The following CHD1 variants were observed in gnomAD, a reference collection of about 807,000 sequenced individuals.
CHD1 encodes the protein chromodomain helicase DNA binding protein 1, also known as ATP-dependent chromatin remodeler CHD1.
Under a neutral mutation model 224.2 loss-of-function variants are expected in CHD1, and 36 were observed. The observed-to-expected ratio is 0.16, with a 90% CI of 0.12 to 0.21. CHD1 has a LOEUF of 0.21. Among genes scored for constraint, CHD1 ranks in the 10% least tolerant of loss-of-function variants. The probability of loss-of-function intolerance (pLI) is 1.00; values close to 1 mark genes in which losing one functional copy is unlikely to be tolerated. For synonymous variants in CHD1, 668 were observed against 658.3 expected (o/e 1.01, Z -0.23); for missense variants, 1,378 against 1,994.8 (o/e 0.69, Z 5.89).
At chr5:98,897,831 T>C (rs998262131) in intron 10 of CHD1, among the ~76,000 whole-genome samples, 1 of 152,200 alleles carries the variant, frequency 6.6e-6, no homozygotes, top group Admixed American at 6.5e-5. Context: ...GATACTTTCC[T>C]ATATCACTCT....
intron 32 of CHD1, 62 bp downstream of exon 32, chr5:98,863,346 A>AAC (rs1554073259): frequency 3.5e-6 from 2 of 567,070 alleles, no homozygotes. Flanking sequence ...AAAGAAAACA[A>AAC]AAAAAAAAAA....
chr5:98,920,689 C>T lies in CHD1; in HGVS notation c.53+5645G>A, dbSNP rs577247853. Among the ~76,000 whole-genome samples, 3 of 151,006 alleles carry T rather than the reference C, an allele frequency of 2.0e-5. No individual in the cohort carries two copies. In the South Asian group the frequency reaches 6.4e-4, roughly 32 times the overall value. ...GTGCACACCTGTAGTCCCAGTCACT[C>T]GGGAGGCTGTGGCAGGAGAATCGTT... On this transcript the variant is annotated intron_variant, in intron 2 of 35. Coordinates refer to ENST00000614616, the MANE Select transcript of CHD1 (RefSeq NM_001270.4).
Position 98,904,989 on chromosome 5 carries a change from C to T in CHD1, c.163G>A (p.Gly55Arg). Residue 55 changes from glycine to arginine, a missense_variant, in exon 3 of 36, where the codon GGA (glycine) becomes AGA (arginine). Physicochemically the swap from Gly to Arg is moderately radical, Grantham distance 125. This residue lies in a region of CHD1 where 306 missense variants were observed against 298.1 expected (regional missense o/e 1.03). Coordinates refer to ENST00000614616, the MANE Select transcript of CHD1 (RefSeq NM_001270.4). ...SQSGSSDSDS[G>R]SESGSQSESE... ...TCTGACTGACTGCCTGATTCAGATC[C>T]GGAGTCAGAGTCACTGCTACCTGAC... 1 of 1,591,842 alleles carries T rather than the reference C, an allele frequency of 6.3e-7. No individual in the cohort carries two copies. The highest frequency in any genetic ancestry group is 8.6e-7 in the Non-Finnish European group (1 of 1,159,774).
chr5:98,900,919 C>G lies in CHD1; in HGVS notation c.751G>C (p.Asp251His). The G allele has an allele frequency of 6.2e-7, 1 of 1,614,156 alleles. No individual in the cohort carries two copies. The highest frequency in any genetic ancestry group is 8.5e-7 in the Non-Finnish European group (1 of 1,180,014). ...CAGACTTCCAGTAGGTCATCAGAAT[C>G]TGTTTTCATTTCTTCATCCTCCTTA... is the stretch of plus-strand genomic sequence containing the variant. ...SYKEDEEMKTDSDDLLEVCGE... is the reference protein window; with the variant it reads ...SYKEDEEMKTHSDDLLEVCGE... The change falls in exon 7 of 36, where the codon GAT (aspartate) becomes CAT (histidine). Residue 251 changes from aspartate to histidine, a missense_variant. By Grantham distance (81) the Asp-to-His change is moderately conservative. This residue lies in a region of CHD1 where 306 missense variants were observed against 298.1 expected (regional missense o/e 1.03). Transcript: ENST00000614616.
At chr5:98,869,643 C>G (rs1749180036) in intron 30 of CHD1, 111 bp downstream of exon 30, 1 of 1,068,630 alleles carries the variant, frequency 9.4e-7, no homozygotes, top group African/African-American at 1.6e-5. Flanking sequence ...CACACACACA[C>G]ACACACACAG....
chr5:98,863,067 A>G (rs919382931), intron 32 of CHD1, among the ~76,000 whole-genome samples: 2 of 152,150 alleles, frequency 1.3e-5, no homozygotes, highest in African/African-American at 4.8e-5. Flanking sequence ...AAGCAACAAT[A>G]AACTTTGTGG....
rs763271087 is a variant in CHD1, at chr5:98,903,834, C to T, written c.330G>A (p.Gln110=). The T allele has an allele frequency of 5.0e-6, 8 of 1,607,512 alleles. No individual in the cohort carries two copies. In the South Asian group the frequency reaches 7.7e-5, roughly 15 times the overall value. The change falls in exon 4 of 36, where the codon CAG becomes CAA. Residue 110 remains glutamine, a synonymous_variant. Coordinates refer to ENST00000614616, the MANE Select transcript of CHD1 (RefSeq NM_001270.4). ...AILKKQQQQQ[Q]QQQHQASSNS... ...TAGATGAGGCTTGATGTTGTTGTTG[C>T]TGCTGCTGCTGTTGCTGCTTCTTGA... is the stretch of plus-strand genomic sequence containing the variant.
chr5:98,858,552 T>A, intron 34 of CHD1, 162 bp from the exon 35 acceptor site: 1 of 576,428 alleles, frequency 1.7e-6, no homozygotes, highest in Non-Finnish European at 3.0e-6. Context: ...AAAGCAGTAC[T>A]AAGGATTAAT....
At chr5:98,921,996 T>C (rs1016840786) in intron 2 of CHD1, among the ~76,000 whole-genome samples, 1 of 151,932 alleles carries the variant, frequency 6.6e-6, no homozygotes, top group Non-Finnish European at 1.5e-5. Flanking sequence ...TTACTAAAAA[T>C]ACAAAAATTA....
Position 98,894,580 on chromosome 5 carries a change from G to T in CHD1, c.1800+17C>A. ...TGATATACAAGAGACCAAAACACGT[G>T]AGAAATAAATACATACCTTATCTTT... On this transcript the variant is annotated intron_variant, in intron 13 of 35. Transcript: ENST00000614616. The T allele has an allele frequency of 9.6e-7, 1 of 1,039,002 alleles. No individual in the cohort carries two copies. The highest frequency in any genetic ancestry group is 1.6e-5 in the South Asian group (1 of 63,044). 64.4% of individuals were successfully genotyped at this position (1,039,002 alleles called of 1,614,324 possible).
chr5:98,882,558 A>C (rs1750271196), intron 19 of CHD1, among the ~76,000 whole-genome samples: 2 of 152,148 alleles, frequency 1.3e-5, no homozygotes, highest in Admixed American at 1.3e-4. Context: ...AAACTCTCCA[A>C]AATTGAAAAG....
Position 98,898,758 on chromosome 5 carries a change from T to C in CHD1, c.1092A>G (p.Lys364=). The change falls in exon 9 of 36, where the codon AAA becomes AAG. Residue 364 remains lysine (K), a synonymous_variant. Transcript: ENST00000614616. The part of the protein sequence containing the change: ...KKDQETKRWL[K]NASPEDVEYY... ...ATTCCACATCTTCTGGAGAGGCATT[T>C]TTCAACCTGAAAAATTATTAATCCA... 6.4e-7 allele frequency: 1 copy of C among 1,566,190 alleles called. No individual in the cohort carries two copies. The highest frequency in any genetic ancestry group is 8.8e-7 in the Non-Finnish European group (1 of 1,140,718).
intron 26 of CHD1, 91 bp from the exon 27 acceptor site, chr5:98,872,646 TTAACAA>T (rs1373743492): frequency 2.8e-6 from 3 of 1,061,404 alleles, no homozygotes; most frequent in African/African-American, 1.6e-5. Context: ...CTTATGTTAT[TTAACAA>T]TAAGTATTCC....
intron 20 of CHD1, 52 bp from the exon 21 acceptor site, chr5:98,881,427 G>A (rs1365291477): frequency 1.2e-6 from 1 of 816,500 alleles, no homozygotes; most frequent in South Asian, 1.8e-5. Context: ...AAATATAACA[G>A]TTACACAGCA....
rs773569475 is a variant in CHD1 at position 98,899,692 on chromosome 5, A to T, written c.873T>A (p.Thr291=). ...RIGRKGATGA[T]TTIYAVEADG... is the part of the protein sequence containing the mutation. ...CTGCTTCAACTGCATAGATGGTTGT[A>T]GTAGCACCAGTAGCTGAAAACAAAA... Residue 291 remains threonine (T), a synonymous_variant, in exon 8 of 36, where the codon ACT becomes ACA. Coordinates refer to ENST00000614616, the MANE Select transcript of CHD1 (RefSeq NM_001270.4). 7 of 1,610,976 alleles carry T rather than the reference A, an allele frequency of 4.3e-6. No individual in the cohort carries two copies. In the Middle Eastern group the frequency reaches 9.9e-4, roughly 228 times the overall value.
At position 98,872,071 on chromosome 5, in the gene CHD1, C is replaced by A; in HGVS notation, c.3841G>T (p.Asp1281Tyr). ...AATACCTTGTGTGTTAGACTGAGGTCAGGATCCATTTTAATCATTTCCCAG... is the reference window on the plus strand; with the variant it reads ...AATACCTTGTGTGTTAGACTGAGGTAAGGATCCATTTTAATCATTTCCCAG... ...GSWEMIKMDP[D>Y]LSLTHKILPD... The change falls in exon 28 of 36, where the codon GAC becomes TAC. Residue 1281 changes from aspartate to tyrosine, a missense_variant. Asp to Tyr is a radical substitution (Grantham distance 160). This residue lies in a region of CHD1 where 286 missense variants were observed against 445.1 expected (regional missense o/e 0.64). Coordinates refer to ENST00000614616, the MANE Select transcript of CHD1 (RefSeq NM_001270.4). 1 of 1,612,600 alleles carries A rather than the reference C, an allele frequency of 6.2e-7. No homozygotes were observed. Among genetic ancestry groups the A allele is most frequent in the Non-Finnish European group, 8.5e-7 (1 of 1,179,024 alleles).
At chr5:98,913,901 A>G (rs1752581268) in intron 2 of CHD1, among the ~76,000 whole-genome samples, 1 of 152,074 alleles carries the variant, frequency 6.6e-6, no homozygotes, top group South Asian at 2.1e-4. Flanking sequence ...AAAGCCACTC[A>G]TTTCTTATGA....
intron 23 of CHD1, among the ~76,000 whole-genome samples, chr5:98,877,359 T>A (rs1749838677): frequency 6.6e-6 from 1 of 152,206 alleles, no homozygotes; most frequent in South Asian, 2.1e-4. Context: ...ATAATGAATT[T>A]TTAAAAATTA....
chr5:98,922,122 A>G (rs1044241533), intron 2 of CHD1, among the ~76,000 whole-genome samples: 7 of 152,196 alleles, frequency 4.6e-5, no homozygotes, highest in African/African-American at 1.7e-4. Flanking sequence ...ACTGCACTCC[A>G]GCCTGGGCAA....
Sources: gnomAD v4.1 joint callset for allele counts (sites outside exome capture counted in the v4.1 genomes callset) on GRCh38, gnomAD v4.1.1 for gene constraint, gnomAD v4.1.1 regional missense constraint, MANE v1.5 for transcripts, NCBI Gene and HGNC (gene_info 2026-07-23, HGNC 2026-07-21) for gene names.